The following KCNB2 variants were observed in gnomAD, a reference collection of about 807,000 sequenced individuals.
KCNB2 encodes the protein delayed rectifier potassium channel protein.
KCNB2 carries 15 observed loss-of-function variants against 61.5 expected under a neutral mutation model. The observed-to-expected ratio is 0.24, with a 90% CI of 0.16 to 0.38. KCNB2 has a LOEUF of 0.38. Among genes scored for constraint, KCNB2 ranks in the 10% least tolerant of loss-of-function variants. The probability of loss-of-function intolerance (pLI) is 1.00; values close to 1 mark genes in which losing one functional copy is unlikely to be tolerated. For missense variants in KCNB2, 828 were observed against 1,125.2 expected, an observed-to-expected ratio of 0.74 and a Z score of 3.78; for synonymous variants, 457 against 446.0, an observed-to-expected ratio of 1.02 and a Z score of -0.31.
intron 2 of KCNB2, among the ~76,000 whole-genome samples, chr8:72,827,664 T>C (rs1809617846): frequency 6.6e-6 from 1 of 152,220 alleles, no homozygotes; most frequent in Admixed American, 6.5e-5. Context: ...GGGCTCCCTT[T>C]CTGTTCTGTG....
rs568682311 is a variant in KCNB2 at position 72,749,119 on chromosome 8, TTTTA to T, written c.579+180822_579+180825del. 9.1e-4 allele frequency among the ~76,000 whole-genome samples: 138 copies of T among 152,178 alleles called. 1 individual carries two copies. Among genetic ancestry groups the T allele is most frequent in the Non-Finnish European group, 1.5e-3 (103 of 67,990 alleles). Reference sequence around the variant, plus strand: ...CTCTGACCAATCATTTTCGTTTTCATTTTATTTATTTATTTATTTTTTGAGACCA... The same window carrying T: ...CTCTGACCAATCATTTTCGTTTTCATTTTATTTATTTATTTTTTGAGACCA... On this transcript the variant is annotated intron_variant, in intron 2 of 2. Transcript: ENST00000523207.
chr8:72,881,970 T>G lies in KCNB2; in HGVS notation c.580-53965T>G, dbSNP rs145812599. 3.9e-5 allele frequency among the ~76,000 whole-genome samples: 6 copies of G among 152,362 alleles called. No individual in the cohort carries two copies. In the East Asian group the frequency reaches 1.2e-3, roughly 29 times the overall value. ...TTTCCAAAAATAAAACCCAGCGTTA[T>G]CATTTTGGTAGGCTGGGAAAATGTA... On this transcript the variant is annotated intron_variant, in intron 2 of 2. Transcript: ENST00000523207.
intron 2 of KCNB2, among the ~76,000 whole-genome samples, chr8:72,594,862 A>G (rs1456335477): frequency 6.6e-6 from 1 of 152,210 alleles, no homozygotes; most frequent in Non-Finnish European, 1.5e-5. Flanking sequence ...TAGCAGATTC[A>G]AAGCACCAAA....
At chr8:72,693,402 A>G (rs1172730107) in intron 2 of KCNB2, among the ~76,000 whole-genome samples, 1 of 152,126 alleles carries the variant, frequency 6.6e-6, no homozygotes, top group Non-Finnish European at 1.5e-5. Context: ...GCTGATGTGA[A>G]GTTCTGTCCT....
intron 2 of KCNB2, among the ~76,000 whole-genome samples, chr8:72,823,291 A>T (rs963840232): frequency 6.6e-6 from 1 of 152,142 alleles, no homozygotes; most frequent in African/African-American, 2.4e-5. Context: ...AGAACAGGTG[A>T]TATTTTTCAC....
chr8:72,623,277 T>G (rs1805738625), intron 2 of KCNB2, among the ~76,000 whole-genome samples: 1 of 152,124 alleles, frequency 6.6e-6, no homozygotes, highest in Non-Finnish European at 1.5e-5. Flanking sequence ...CCTGTCACAA[T>G]TTAGGGGCAC....
At chr8:72,552,646 G>C (rs1461331778) in intron 1 of KCNB2, among the ~76,000 whole-genome samples, 1 of 152,130 alleles carries the variant, frequency 6.6e-6, no homozygotes, top group African/African-American at 2.4e-5. Flanking sequence ...GCAATCTTTG[G>C]TGCCCAGTAC....
intron 2 of KCNB2, among the ~76,000 whole-genome samples, chr8:72,901,688 G>C (rs1222221974): frequency 6.6e-6 from 1 of 152,136 alleles, no homozygotes; most frequent in East Asian, 1.9e-4. Flanking sequence ...GCTTGTGTGT[G>C]TGTTTGCCAT....
chr8:72,687,099 A>G (rs769542098), intron 2 of KCNB2, among the ~76,000 whole-genome samples: 2 of 152,236 alleles, frequency 1.3e-5, no homozygotes, highest in Non-Finnish European at 2.9e-5. Context: ...CAGGAAGTTG[A>G]TAATGTCTTC....
At chr8:72,927,285 T>C (rs1455455192) in intron 2 of KCNB2, among the ~76,000 whole-genome samples, 1 of 150,818 alleles carries the variant, frequency 6.6e-6, no homozygotes, top group Non-Finnish European at 1.5e-5. Context: ...TTTTTTTTTC[T>C]TTTGAGATGG....
At chr8:72,710,787 A>C (rs563707895) in intron 2 of KCNB2, among the ~76,000 whole-genome samples, 9 of 152,244 alleles carry the variant, frequency 5.9e-5, no homozygotes, top group Non-Finnish European at 1.3e-4. Flanking sequence ...AAATCTCTAG[A>C]TACTTTAGAA....
chr8:72,605,580 CA>C (rs1275090304), intron 2 of KCNB2, among the ~76,000 whole-genome samples: 3 of 152,058 alleles, frequency 2.0e-5, no homozygotes, highest in African/African-American at 7.2e-5. Context: ...AGTCTTTCAA[CA>C]GTTAGATGTT....
At chr8:72,837,397 T>C (rs900362393) in intron 2 of KCNB2, among the ~76,000 whole-genome samples, 2 of 152,222 alleles carry the variant, frequency 1.3e-5, no homozygotes, top group African/African-American at 4.8e-5. Flanking sequence ...CTTAGAAACC[T>C]GGATTTTTAA....
Position 72,897,976 on chromosome 8 carries a change from A to C in KCNB2, c.580-37959A>C, listed in dbSNP as rs968558959. On this transcript the variant is annotated intron_variant, in intron 2 of 2. Coordinates refer to ENST00000523207, the MANE Select transcript of KCNB2 (RefSeq NM_004770.3). Reference sequence around the variant, plus strand: ...GGTAGTGACAAAGCCTGTGAGCTTCAAAGGCACACCTCTGATACCTCTAGC... The same window carrying C: ...GGTAGTGACAAAGCCTGTGAGCTTCCAAGGCACACCTCTGATACCTCTAGC... Among the ~76,000 whole-genome samples, 7 of 152,144 alleles carry C rather than the reference A, an allele frequency of 4.6e-5. 1 individual carries two copies. The highest frequency in any genetic ancestry group is 1.7e-4 in the African/African-American group (7 of 41,438).
At chr8:72,929,648 T>C (rs1398892822) in intron 2 of KCNB2, among the ~76,000 whole-genome samples, 1 of 152,216 alleles carries the variant, frequency 6.6e-6, no homozygotes, top group Non-Finnish European at 1.5e-5. Context: ...TAAAATGTTT[T>C]AGTTTAGACA....
intron 2 of KCNB2, among the ~76,000 whole-genome samples, chr8:72,782,425 A>G (rs758722141): frequency 4.8e-4 from 73 of 152,194 alleles, no homozygotes; most frequent in Non-Finnish European, 8.1e-4. Context: ...AAACCCCCTA[A>G]TAAAATCCCA....
intron 2 of KCNB2, among the ~76,000 whole-genome samples, chr8:72,685,143 C>G (rs966769173): frequency 6.6e-6 from 1 of 152,120 alleles, no homozygotes; most frequent in Admixed American, 6.5e-5. Flanking sequence ...AAGAAAACTT[C>G]TGACATAAAG....
chr8:72,604,257 A>G (rs570482214), intron 2 of KCNB2, among the ~76,000 whole-genome samples: 2 of 152,340 alleles, frequency 1.3e-5, no homozygotes, highest in East Asian at 1.9e-4. Flanking sequence ...CACAACCTAT[A>G]CACAATGAAT....
chr8:72,712,828 G>A (rs1004869328), intron 2 of KCNB2, among the ~76,000 whole-genome samples: 3 of 152,152 alleles, frequency 2.0e-5, no homozygotes, highest in East Asian at 3.9e-4. Context: ...GACAGTGGGT[G>A]TAGTGCACTG....
Sources: gnomAD v4.1 joint callset for allele counts (sites outside exome capture counted in the v4.1 genomes callset) on GRCh38, gnomAD v4.1.1 for gene constraint, MANE v1.5 for transcripts, NCBI Gene and HGNC (gene_info 2026-07-23, HGNC 2026-07-21) for gene names.